ZNF277: variants seen among roughly 807,000 people sequenced by gnomAD.
ZNF277 encodes nuclear receptor-interacting factor 4.
In ZNF277, 55 loss-of-function variants were observed where a neutral mutation model predicts 60.7. That is an observed-to-expected ratio of 0.91 (90% CI 0.73 to 1.13). The LOEUF is 1.13. ZNF277 is among the 50% of genes most tolerant of loss of function. The pLI is 0.00. For missense variants in ZNF277, 510 were observed against 523.0 expected, an observed-to-expected ratio of 0.98 and a Z score of 0.24; for synonymous variants, 178 against 179.3, an observed-to-expected ratio of 0.99 and a Z score of 0.06.
At chr7:112,243,518 A>G (rs1791008388) in intron 1 of ZNF277, among the ~76,000 whole-genome samples, 1 of 151,752 alleles carries the variant, frequency 6.6e-6, no homozygotes, top group Admixed American at 6.6e-5. Flanking sequence ...AAAAGCAGAC[A>G]AAGGACATAG....
intron 1 of ZNF277, 22 bp downstream of exon 1, chr7:112,206,829 C>T (rs1050949268): frequency 3.7e-6 from 6 of 1,608,300 alleles, no homozygotes; most frequent in Non-Finnish European, 5.1e-6. Flanking sequence ...GCCCCGGAGG[C>T]GCGGCTGATG....
chr7:112,220,943 C>T lies in ZNF277; in HGVS notation c.91+14136C>T, dbSNP rs531494668. Among the ~76,000 whole-genome samples, 212 of 152,282 alleles carry T rather than the reference C, an allele frequency of 1.4e-3. 1 individual carries two copies. In the Middle Eastern group the frequency reaches 0.02, roughly 15 times the overall value. Reference sequence around the variant, plus strand: ...GTCCCCTCCCTTTGTATGGGAGCTCCGTTTTCACTCTATTAAACCTTCCAA... The same window carrying T: ...GTCCCCTCCCTTTGTATGGGAGCTCTGTTTTCACTCTATTAAACCTTCCAA... On this transcript the variant is annotated intron_variant, in intron 1 of 11. Transcript: ENST00000361822.
chr7:112,235,785 A>T (rs2116984886), intron 1 of ZNF277, among the ~76,000 whole-genome samples: 1 of 151,918 alleles, frequency 6.6e-6, no homozygotes, highest in Non-Finnish European at 1.5e-5. Flanking sequence ...ATTATATCAA[A>T]TGTGTCTATT....
At chr7:112,327,932 T>C in intron 6 of ZNF277, 105 bp downstream of exon 6, 1 of 778,442 alleles carries the variant, frequency 1.3e-6, no homozygotes, top group East Asian at 2.8e-5. Flanking sequence ...AGTGGGAATT[T>C]CCCATGTTGG....
chr7:112,252,765 A>G (rs1791227454), intron 1 of ZNF277, among the ~76,000 whole-genome samples: 1 of 152,216 alleles, frequency 6.6e-6, no homozygotes, highest in East Asian at 1.9e-4. Context: ...GTGCGGTGAC[A>G]ACATATGGTG....
chr7:112,215,961 A>G (rs973444034), intron 1 of ZNF277, among the ~76,000 whole-genome samples: 1 of 152,230 alleles, frequency 6.6e-6, no homozygotes, highest in African/African-American at 2.4e-5. Flanking sequence ...CGTAATTACC[A>G]TTATAAAGCA....
chr7:112,208,119 G>GT (rs1372285144), intron 1 of ZNF277, among the ~76,000 whole-genome samples: 1 of 152,236 alleles, frequency 6.6e-6, no homozygotes, highest in African/African-American at 2.4e-5. Context: ...GCTCACCCCT[G>GT]TAATACCAGC....
intron 1 of ZNF277, among the ~76,000 whole-genome samples, chr7:112,275,542 A>G (rs2117044482): frequency 6.6e-6 from 1 of 152,302 alleles, no homozygotes; most frequent in South Asian, 2.1e-4. Context: ...TTGACCATAT[A>G]TGTTTTAAAG....
At chr7:112,257,858 G>A (rs375446554) in intron 1 of ZNF277, among the ~76,000 whole-genome samples, 44 of 151,912 alleles carry the variant, frequency 2.9e-4, no homozygotes, top group African/African-American at 1.0e-3. Context: ...CTGTTGCCCA[G>A]GCTGGGGTGC....
chr7:112,255,419 G>C (rs1301076087), intron 1 of ZNF277, among the ~76,000 whole-genome samples: 2 of 152,186 alleles, frequency 1.3e-5, no homozygotes, highest in Non-Finnish European at 1.5e-5. Context: ...ATTAAAAATT[G>C]CTGTTCACCA....
At chr7:112,238,473 C>G (rs1293437532) in intron 1 of ZNF277, among the ~76,000 whole-genome samples, 1 of 152,154 alleles carries the variant, frequency 6.6e-6, no homozygotes, top group Non-Finnish European at 1.5e-5. Flanking sequence ...GAAAGGCAGT[C>G]TAGGCCACAA....
chr7:112,216,482 G>C (rs970018386), intron 1 of ZNF277, among the ~76,000 whole-genome samples: 6 of 151,938 alleles, frequency 3.9e-5, no homozygotes, highest in Admixed American at 3.9e-4. Flanking sequence ...GCTAAATTTT[G>C]TATTTTTTGT....
intron 4 of ZNF277, among the ~76,000 whole-genome samples, chr7:112,309,422 T>C (rs937755136): frequency 6.6e-6 from 1 of 151,926 alleles, no homozygotes; most frequent in Non-Finnish European, 1.5e-5. Flanking sequence ...TTTCCCTATA[T>C]AGTCTTAAAC....
In ZNF277 at chr7:112,337,769, C is replaced by G. The variant is rs1218456495; in HGVS notation, c.909C>G (p.Val303=). 1 of 1,612,698 alleles carries G rather than the reference C, an allele frequency of 6.2e-7. No individual in the cohort carries two copies. The highest frequency in any genetic ancestry group is 1.1e-5 in the South Asian group (1 of 91,038). The stretch of plus-strand genomic sequence containing the variant: ...GGGAAGAACACCCTGCCTCTGCAGT[C>G]TGCTTATTTTGTGAAAAGCAAGCAG... ...SDWEEHPASA[V]CLFCEKQAET... The change falls in exon 9 of 12, where the codon GTC becomes GTG. Residue 303 remains valine (V), a synonymous_variant. Coordinates refer to ENST00000361822, the MANE Select transcript of ZNF277 (RefSeq NM_021994.3).
intron 4 of ZNF277, among the ~76,000 whole-genome samples, chr7:112,304,157 G>GA (rs767151767): frequency 1.3e-5 from 2 of 152,106 alleles, no homozygotes; most frequent in Non-Finnish European, 2.9e-5. Context: ...AAAATGCTGA[G>GA]AAAGGTGGAT....
rs995349474 is a variant in ZNF277 at position 112,287,013 on chromosome 7, C to T, written c.232C>T (p.His78Tyr). The change falls in exon 2 of 12, where the codon CAC (histidine) becomes TAC (tyrosine). Residue 78 changes from histidine to tyrosine, a missense_variant. His to Tyr is a moderately conservative substitution (Grantham distance 83, BLOSUM62 2). Transcript: ENST00000361822. Reference sequence around the variant, plus strand: ...GGCTGAACAAGACAAACTTCTGAAGCACATGATTATTGAGCATAAGATTGT... The same window carrying T: ...GGCTGAACAAGACAAACTTCTGAAGTACATGATTATTGAGCATAAGATTGT... ...PVAEQDKLLK[H>Y]MIIEHKIVIA... 4.3e-6 allele frequency: 7 copies of T among 1,614,014 alleles called. No homozygotes were observed. The highest frequency in any genetic ancestry group is 5.9e-6 in the Non-Finnish European group (7 of 1,179,996).
chr7:112,261,432 C>A (rs1212878923), intron 1 of ZNF277, among the ~76,000 whole-genome samples: 1 of 152,098 alleles, frequency 6.6e-6, no homozygotes, highest in East Asian at 1.9e-4. Context: ...TATCTACTTT[C>A]TGATTATGTT....
In ZNF277 at chr7:112,239,889, T is replaced by C. The variant is rs573051884; in HGVS notation, c.91+33082T>C. ...AAGTACTACAACCACTTTTAAGACA[T>C]AGACAGACAGTATAATAAGATCTAA... On this transcript the variant is annotated intron_variant, in intron 1 of 11. Coordinates refer to ENST00000361822, the MANE Select transcript of ZNF277 (RefSeq NM_021994.3). Among the ~76,000 whole-genome samples, 5 of 152,266 alleles carry C rather than the reference T, an allele frequency of 3.3e-5. No individual in the cohort carries two copies. The South Asian group carries it at 8.3e-4, about 25-fold the overall frequency.
At chr7:112,304,634 T>C (rs2117090519) in intron 4 of ZNF277, among the ~76,000 whole-genome samples, 1 of 152,286 alleles carries the variant, frequency 6.6e-6, no homozygotes, top group South Asian at 2.1e-4. Context: ...TATTGAAAGT[T>C]ACATCAGATA....
Sources: gnomAD v4.1 joint callset for allele counts (sites outside exome capture counted in the v4.1 genomes callset) on GRCh38, gnomAD v4.1.1 for gene constraint, MANE v1.5 for transcripts, NCBI Gene and HGNC (gene_info 2026-07-23, HGNC 2026-07-21) for gene names.